Variants in ITGAE observed in about 807,000 individuals in gnomAD.
ITGAE encodes the protein integrin subunit alpha E, also known as integrin alpha-E.
In ITGAE, 99 loss-of-function variants were observed where a neutral mutation model predicts 136.5. The observed-to-expected ratio is 0.73, with a 90% confidence interval of 0.62 to 0.86. The LOEUF (loss-of-function observed/expected upper bound fraction) is 0.86, where lower values mean the gene tolerates loss of function less well. Ranked by LOEUF, ITGAE falls within the 40% of genes least tolerant of loss-of-function variation. The pLI, the probability that ITGAE is intolerant of heterozygous loss-of-function variation, is 0.00. For missense variants in ITGAE, 1,447 were observed against 1,515.3 expected (o/e 0.95, Z 0.75); for synonymous variants, 613 against 591.8 (o/e 1.04, Z -0.52).
intron 20 of ITGAE, among the ~76,000 whole-genome samples, chr17:3,737,031 C>T (rs1454950056): frequency 1.3e-5 from 2 of 151,938 alleles, no homozygotes; most frequent in Non-Finnish European, 2.9e-5. Context: ...CGGTGGCTCA[C>T]GCCTGTAATC....
At chr17:3,779,465 T>G (rs1289392029) in intron 1 of ITGAE, among the ~76,000 whole-genome samples, 1 of 151,956 alleles carries the variant, frequency 6.6e-6, no homozygotes, top group Non-Finnish European at 1.5e-5. Context: ...ATAGCTGGGA[T>G]TACAGGCGCC....
intron 1 of ITGAE, among the ~76,000 whole-genome samples, chr17:3,782,274 C>CAA (rs61341691): frequency 2.1e-5 from 1 of 47,294 alleles, no homozygotes; most frequent in Non-Finnish European, 3.5e-5. Context: ...GACTCGGCCT[C>CAA]AAAAAAAAAA....
At chr17:3,795,383 C>T (rs568539240) in intron 1 of ITGAE, among the ~76,000 whole-genome samples, 1 of 152,340 alleles carries the variant, frequency 6.6e-6, no homozygotes, top group East Asian at 1.9e-4. Context: ...CTCACGCCAC[C>T]CCACCCCTGT....
intron 14 of ITGAE, among the ~76,000 whole-genome samples, chr17:3,752,437 G>A (rs1426597223): frequency 2.6e-5 from 4 of 152,188 alleles, no homozygotes; most frequent in African/African-American, 7.2e-5. Context: ...TGGACTAAAC[G>A]GGCTTTGCCA....
At chr17:3,780,005 C>T (rs2143336948) in intron 1 of ITGAE, among the ~76,000 whole-genome samples, 1 of 152,124 alleles carries the variant, frequency 6.6e-6, no homozygotes, top group East Asian at 1.9e-4. Flanking sequence ...TGGAGTTTCG[C>T]TCTTGTTGCC....
At chr17:3,735,045 C>T in intron 20 of ITGAE, 96 bp from the exon 21 acceptor site, 1 of 1,402,662 alleles carries the variant, frequency 7.1e-7, no homozygotes, top group Non-Finnish European at 1.0e-6. Context: ...GAGCGTGGTG[C>T]TGTGGTGCAA....
chr17:3,790,504 TCAAA>T (rs1204917117), intron 1 of ITGAE, among the ~76,000 whole-genome samples: 3 of 135,470 alleles, frequency 2.2e-5, no homozygotes, highest in East Asian at 2.0e-4. Context: ...AGACTCCGTC[TCAAA>T]CAAACACACA....
chr17:3,740,183 C>T (rs779254222), intron 19 of ITGAE, among the ~76,000 whole-genome samples: 5 of 152,168 alleles, frequency 3.3e-5, no homozygotes, highest in Non-Finnish European at 5.9e-5. Context: ...TTACATCATG[C>T]GAATTCAGCA....
At chr17:3,729,681 G>A (rs765953860) in intron 23 of ITGAE, 126 bp from the exon 24 acceptor site, 220 of 700,294 alleles carry the variant, frequency 3.1e-4, no homozygotes, top group South Asian at 8.6e-4. Context: ...TGCAACCTCC[G>A]CCCCCCGGGT....
chr17:3,794,259 G>A (rs111489810), intron 1 of ITGAE, among the ~76,000 whole-genome samples: 6,916 of 152,158 alleles, frequency 0.045, 200 homozygotes, highest in Middle Eastern at 0.054. Flanking sequence ...TTACAGGCGT[G>A]AGCCACCGTG....
At chr17:3,790,584 T>C (rs1277157991) in intron 1 of ITGAE, among the ~76,000 whole-genome samples, 2 of 152,064 alleles carry the variant, frequency 1.3e-5, no homozygotes, top group African/African-American at 4.8e-5. Context: ...TCCTCACAAC[T>C]GCTTAGAGTG....
intron 22 of ITGAE, among the ~76,000 whole-genome samples, chr17:3,732,137 C>G (rs1271222044): frequency 1.3e-5 from 2 of 152,178 alleles, no homozygotes; most frequent in Admixed American, 1.3e-4. Context: ...CACAACTTCA[C>G]TCTGCTTCAC....
At chr17:3,736,058 G>A (rs571125754) in intron 20 of ITGAE, among the ~76,000 whole-genome samples, 73 of 152,228 alleles carry the variant, frequency 4.8e-4, no homozygotes, top group Non-Finnish European at 8.1e-4. Context: ...ACAGAGAATT[G>A]CTTGAACCCG....
chr17:3,773,775 AC>A (rs1456097492), intron 2 of ITGAE, among the ~76,000 whole-genome samples: 1 of 152,028 alleles, frequency 6.6e-6, no homozygotes, highest in Admixed American at 6.6e-5. Flanking sequence ...GAAAGTCCCA[AC>A]CCTCTGATCG....
intron 26 of ITGAE, chr17:3,726,032 G>A (rs908685460): frequency 1.2e-6 from 2 of 1,614,134 alleles, no homozygotes; most frequent in Non-Finnish European, 1.7e-6. Flanking sequence ...ATGGGATTGT[G>A]GTTTTCTGTG....
chr17:3,728,052 A>G, intron 25 of ITGAE, 26 bp from the exon 26 acceptor site: 1 of 1,605,754 alleles, frequency 6.2e-7, no homozygotes, highest in Non-Finnish European at 8.5e-7. Context: ...AGAGTAGGAA[A>G]TCAAAGCTGG....
intron 2 of ITGAE, among the ~76,000 whole-genome samples, chr17:3,768,796 G>A (rs1183739502): frequency 6.6e-6 from 1 of 152,180 alleles, no homozygotes; most frequent in African/African-American, 2.4e-5. Flanking sequence ...GAGACAGTAG[G>A]CTCCCGAAGG....
intron 6 of ITGAE, 142 bp from the exon 7 acceptor site, chr17:3,760,429 GC>G (rs2052137611): frequency 8.2e-5 from 5 of 60,804 alleles, no homozygotes; most frequent in South Asian, 2.3e-4. Context: ...CAAGAGGGAA[GC>G]TTTTTTTTTT....
At chr17:3,791,311 C>G (rs943130813) in intron 1 of ITGAE, among the ~76,000 whole-genome samples, 1 of 151,732 alleles carries the variant, frequency 6.6e-6, no homozygotes, top group Non-Finnish European at 1.5e-5. Context: ...GAGACTGAGT[C>G]GTACTCTGTT....
Sources: gnomAD v4.1 joint callset for allele counts (sites outside exome capture counted in the v4.1 genomes callset) on GRCh38, gnomAD v4.1.1 for gene constraint, MANE v1.5 for transcripts, NCBI Gene and HGNC (gene_info 2026-07-23, HGNC 2026-07-21) for gene names.